The following RAB3GAP2 variants were observed in gnomAD, a reference collection of about 807,000 sequenced individuals.
RAB3GAP2 encodes RAB3 GTPase activating non-catalytic protein subunit 2.
A neutral mutation model predicts 185.3 loss-of-function variants in RAB3GAP2; 87 were observed. That is an observed-to-expected ratio of 0.47 (90% CI 0.39 to 0.56). The LOEUF is 0.56. RAB3GAP2 is among the 20% of genes least tolerant of loss of function. RAB3GAP2 has a pLI of 0.00. For synonymous variants in RAB3GAP2, 554 were observed against 576.1 expected (o/e 0.96, Z 0.55); for missense variants, 1,492 against 1,638.2 (o/e 0.91, Z 1.54).
chr1:220,214,479 T>A (rs1200049202), intron 2 of RAB3GAP2, among the ~76,000 whole-genome samples: 1 of 151,016 alleles, frequency 6.6e-6, no homozygotes, highest in Non-Finnish European at 1.5e-5. Flanking sequence ...TGAGCTGAGA[T>A]CGCACCACTA....
At chr1:220,238,974 A>G (rs554798808) in intron 1 of RAB3GAP2, among the ~76,000 whole-genome samples, 8 of 152,334 alleles carry the variant, frequency 5.3e-5, no homozygotes, top group East Asian at 3.9e-4. Flanking sequence ...TAAAAGTATC[A>G]TAAGTACTTA....
intron 15 of RAB3GAP2, 96 bp from the exon 16 acceptor site, chr1:220,190,242 T>C (rs1280152929): frequency 1.3e-6 from 2 of 1,500,142 alleles, no homozygotes; most frequent in African/African-American, 1.4e-5. Context: ...ATATATTTCC[T>C]ATTTAACTTT....
intron 1 of RAB3GAP2, among the ~76,000 whole-genome samples, chr1:220,235,586 T>C (rs1659575827): frequency 1.3e-5 from 2 of 152,246 alleles, no homozygotes; most frequent in East Asian, 1.9e-4. Context: ...TTCTGGGAAC[T>C]GTGCTAAGTG....
At chr1:220,214,010 C>T (rs760353293) in intron 2 of RAB3GAP2, 31 bp from the exon 3 acceptor site, 3 of 1,608,826 alleles carry the variant, frequency 1.9e-6, no homozygotes, top group Non-Finnish European at 2.6e-6. Context: ...ACTGCATATG[C>T]AAAAATACCA....
intron 31 of RAB3GAP2, among the ~76,000 whole-genome samples, chr1:220,155,768 A>G (rs1657845497): frequency 6.6e-6 from 1 of 152,170 alleles, no homozygotes; most frequent in Admixed American, 6.5e-5. Context: ...TCTTGGCATG[A>G]CATGGGTTGA....
intron 21 of RAB3GAP2, among the ~76,000 whole-genome samples, chr1:220,174,672 T>C (rs1224304759): frequency 1.3e-5 from 2 of 152,206 alleles, no homozygotes; most frequent in East Asian, 3.8e-4. Flanking sequence ...CAAATATATC[T>C]TCCATGCTCA....
intron 1 of RAB3GAP2, among the ~76,000 whole-genome samples, chr1:220,249,420 T>A (rs1331749997): frequency 1.3e-5 from 2 of 152,078 alleles, no homozygotes; most frequent in Admixed American, 6.5e-5. Flanking sequence ...GCCCTAGAGG[T>A]TGGTGGAATT....
chr1:220,268,997 A>T (rs1660284070), intron 1 of RAB3GAP2, among the ~76,000 whole-genome samples: 1 of 152,220 alleles, frequency 6.6e-6, no homozygotes, highest in Non-Finnish European at 1.5e-5. Flanking sequence ...CAGGCTCAAT[A>T]ACCACATGTG....
chr1:220,189,835 A>C (rs1471026679), intron 16 of RAB3GAP2, 68 bp from the exon 17 acceptor site: 10 of 1,281,776 alleles, frequency 7.8e-6, no homozygotes, highest in Non-Finnish European at 1.1e-5. Flanking sequence ...TTCTGAAAGA[A>C]AATGAACATA....
At chr1:220,228,989 T>G (rs77739348) in intron 2 of RAB3GAP2, among the ~76,000 whole-genome samples, 10,505 of 152,312 alleles carry the variant, frequency 0.069, 486 homozygotes, top group South Asian at 0.12. Context: ...AACTACATTG[T>G]TTAAAAGATC....
intron 2 of RAB3GAP2, among the ~76,000 whole-genome samples, chr1:220,228,915 A>C (rs1172662729): frequency 6.6e-6 from 1 of 152,228 alleles, no homozygotes; most frequent in African/African-American, 2.4e-5. Context: ...CCAAATGAAG[A>C]AATGTTCTAC....
intron 2 of RAB3GAP2, among the ~76,000 whole-genome samples, chr1:220,216,896 T>C (rs1195090719): frequency 6.6e-6 from 1 of 152,158 alleles, no homozygotes; most frequent in Non-Finnish European, 1.5e-5. Context: ...TCTTTTTTTT[T>C]TCAATAAAGA....
chr1:220,152,446 G>A (rs578031208), intron 33 of RAB3GAP2, among the ~76,000 whole-genome samples: 52 of 152,236 alleles, frequency 3.4e-4, no homozygotes, highest in African/African-American at 1.3e-3. Flanking sequence ...CCATGGCCCG[G>A]GCCAGCCTCC....
At chr1:220,261,234 G>A (rs149597786) in intron 1 of RAB3GAP2, among the ~76,000 whole-genome samples, 9 of 152,200 alleles carry the variant, frequency 5.9e-5, no homozygotes, top group African/African-American at 1.7e-4. Context: ...GGCAAGATAT[G>A]GTCACAGCAG....
At chr1:220,192,542 A>T (rs752126441) in intron 13 of RAB3GAP2, among the ~76,000 whole-genome samples, 1 of 152,236 alleles carries the variant, frequency 6.6e-6, no homozygotes, top group Non-Finnish European at 1.5e-5. Context: ...TTATAGTTAG[A>T]TGAGGCCATG....
chr1:220,196,309 T>C lies in RAB3GAP2; in HGVS notation c.901A>G (p.Met301Val), dbSNP rs1364547009. 3 of 1,612,250 alleles carry C rather than the reference T, an allele frequency of 1.9e-6. No homozygotes were observed. Among genetic ancestry groups the C allele is most frequent in the Non-Finnish European group, 2.5e-6 (3 of 1,178,428 alleles). ...GACCCTACAGTGATATACTGAGACA[T>C]GGCAGGTGGACTATTTTTAATTGCT... ...NAAIKNSPPA[M>V]SQYITVGSNP... is the part of the protein sequence containing the mutation. Residue 301 changes from methionine (M) to valine (V), a missense_variant, in exon 10 of 35, where the codon ATG becomes GTG. Physicochemically the swap from Met to Val is conservative, Grantham distance 21. Coordinates refer to ENST00000358951, the MANE Select transcript of RAB3GAP2 (RefSeq NM_012414.4).
intron 2 of RAB3GAP2, among the ~76,000 whole-genome samples, chr1:220,224,658 A>G (rs1366676896): frequency 1.3e-5 from 2 of 152,128 alleles, no homozygotes; most frequent in Admixed American, 6.6e-5. Context: ...TTCTTTTTAA[A>G]GGCAAAACCA....
chr1:220,149,140 TATCA>T lies in RAB3GAP2; in HGVS notation c.*2107_*2110del, dbSNP rs1216841636. 1.3e-5 allele frequency: 2 copies of T among 152,208 alleles called. No individual in the cohort carries two copies. Among genetic ancestry groups the T allele is most frequent in the Non-Finnish European group, 1.5e-5 (1 of 68,028 alleles). 9.4% of individuals were successfully genotyped at this position (152,208 alleles called of 1,614,324 possible). A position where few individuals can be genotyped will look rare whatever the true frequency, so the allele number is the denominator to read the frequency against. ...ATAGGTATTTATTTGCCTTTCTTCC[TATCA>T]ATCAGATTTATTTATTTTAAAAGCC... is the stretch of plus-strand genomic sequence containing the variant. On this transcript the variant is annotated 3_prime_UTR_variant, in exon 35 of 35. Transcript: ENST00000358951.
rs1658432354 is a variant in RAB3GAP2 at position 220,182,572 on chromosome 1, C to A, written c.2212+146G>T. 4 of 1,207,242 alleles carry A rather than the reference C, an allele frequency of 3.3e-6. No homozygotes were observed. The Admixed American group carries it at 8.6e-5, about 26-fold the overall frequency. The allele number at this position is 1,207,242 out of a possible 1,614,324, so 74.8% of individuals were successfully genotyped here. A position where few individuals can be genotyped will look rare whatever the true frequency, so the allele number is the denominator to read the frequency against. ...TAATACAACCTGTTGACCAGAGTAT[C>A]TTTTGTTGGCCAAAAAATACAGTAC... On this transcript the variant is annotated intron_variant, in intron 20 of 34. Coordinates refer to ENST00000358951, the MANE Select transcript of RAB3GAP2 (RefSeq NM_012414.4).
Sources: allele counts gnomAD v4.1 joint callset (sites outside exome capture counted in the v4.1 genomes callset), GRCh38; gene constraint gnomAD v4.1.1; transcripts MANE v1.5; gene names NCBI Gene and HGNC (gene_info 2026-07-23, HGNC 2026-07-21).